MLLT3: variants seen among roughly 807,000 people sequenced by gnomAD.
MLLT3 encodes MLLT3 super elongation complex subunit.
MLLT3 carries 4 observed loss-of-function variants against 53.2 expected under a neutral mutation model. That is an observed-to-expected ratio of 0.08 (90% CI 0.04 to 0.17). MLLT3 has a LOEUF of 0.17. Among genes scored for constraint, MLLT3 ranks in the 10% least tolerant of loss-of-function variants. MLLT3 has a pLI of 1.00. For missense variants in MLLT3, 569 were observed against 684.0 expected, an observed-to-expected ratio of 0.83 and a Z score of 1.87; for synonymous variants, 283 against 230.6, an observed-to-expected ratio of 1.23 and a Z score of -2.06.
chr9:20,515,226 G>C (rs766683931), intron 2 of MLLT3, among the ~76,000 whole-genome samples: 1 of 152,120 alleles, frequency 6.6e-6, no homozygotes, highest in African/African-American at 2.4e-5. Flanking sequence ...GATTACAGGC[G>C]TGAGCCACTG....
chr9:20,597,912 G>A (rs12001420), intron 2 of MLLT3, among the ~76,000 whole-genome samples: 1 of 152,098 alleles, frequency 6.6e-6, no homozygotes, highest in Non-Finnish European at 1.5e-5. Context: ...TATCTGCTTA[G>A]TGTTCCAAAG....
At chr9:20,403,860 C>T (rs1278607459) in intron 5 of MLLT3, among the ~76,000 whole-genome samples, 1 of 152,130 alleles carries the variant, frequency 6.6e-6, no homozygotes, top group Non-Finnish European at 1.5e-5. Context: ...CTCACATTGC[C>T]CAGGCTGGAG....
intron 2 of MLLT3, among the ~76,000 whole-genome samples, chr9:20,606,696 AT>A (rs1395709606): frequency 1.3e-5 from 2 of 151,732 alleles, no homozygotes; most frequent in Non-Finnish European, 1.5e-5. Context: ...CTTTAAGTCT[AT>A]TTTTTTTCTC....
rs1820834166 is a variant in MLLT3, at chr9:20,345,134, G to T, written c.*1309C>A. ...ACAGATTTCTAGTTTCAAAACAAGGGTACAACAAGAACAAAAAAATCCCCC... is the reference window on the plus strand; with the variant it reads ...ACAGATTTCTAGTTTCAAAACAAGGTTACAACAAGAACAAAAAAATCCCCC... On this transcript the variant is annotated 3_prime_UTR_variant, in exon 11 of 11. Transcript: ENST00000380338. 1 of 223,208 alleles carries T rather than the reference G, an allele frequency of 4.5e-6. No individual in the cohort carries two copies. Among genetic ancestry groups the T allele is most frequent in the African/African-American group, 2.2e-5 (1 of 44,700 alleles). The allele number at this position is 223,208 out of a possible 1,614,324, so 13.8% of individuals were successfully genotyped here.
chr9:20,456,564 C>A, intron 3 of MLLT3, 140 bp downstream of exon 3: 1 of 634,940 alleles, frequency 1.6e-6, no homozygotes, highest in Non-Finnish European at 2.7e-6. Context: ...TAATGATAGC[C>A]AAAATTCCTA....
chr9:20,620,125 G>A lies in MLLT3; in HGVS notation c.193+529C>T, dbSNP rs889082962. 2.6e-5 allele frequency among the ~76,000 whole-genome samples: 4 copies of A among 152,010 alleles called. No individual in the cohort carries two copies. The highest frequency in any genetic ancestry group is 5.9e-5 in the Non-Finnish European group (4 of 68,008). ...GAAAAGTCTATGGCAACTGGCACCT[G>A]GTGCCTCATACACAGACAGGAAAGC... On this transcript the variant is annotated intron_variant, in intron 2 of 10. Transcript: ENST00000380338. This position sits in a 1 kb window ranked among gnomAD's most constrained non-coding sequence, Gnocchi z 6.1.
intron 2 of MLLT3, among the ~76,000 whole-genome samples, chr9:20,572,127 C>T (rs1453284174): frequency 1.3e-5 from 2 of 152,134 alleles, no homozygotes; most frequent in African/African-American, 4.8e-5. Flanking sequence ...AAAGACACTG[C>T]ATAATCCCAC....
intron 2 of MLLT3, among the ~76,000 whole-genome samples, chr9:20,516,221 A>T (rs1817914558): frequency 6.6e-6 from 1 of 152,228 alleles, no homozygotes; most frequent in Non-Finnish European, 1.5e-5. Context: ...ATAAGCTTGG[A>T]AACAAATGTT....
rs550363765 is a variant in MLLT3, at chr9:20,622,037, GTGTGTGTC to G, written c.12+200_12+207del. 413 of 680,342 alleles carry G rather than the reference GTGTGTGTC, an allele frequency of 6.1e-4. 7 individuals carry two copies. In the South Asian group the frequency reaches 0.019, roughly 31 times the overall value. The allele number at this position is 680,342 out of a possible 1,614,324, so 42.1% of individuals were successfully genotyped here. A position where few individuals can be genotyped will look rare whatever the true frequency, so the allele number is the denominator to read the frequency against. ...GGCGAGTGTGAGCGTGTGTGAGTGT[GTGTGTGTC>G]TGTGTGTCTGTGTGCGCGCCGGGGG... On this transcript the variant is annotated intron_variant, in intron 1 of 10. Coordinates refer to ENST00000380338, the MANE Select transcript of MLLT3 (RefSeq NM_004529.4).
chr9:20,591,931 G>A (rs1820140204), intron 2 of MLLT3, among the ~76,000 whole-genome samples: 1 of 152,140 alleles, frequency 6.6e-6, no homozygotes, highest in Non-Finnish European at 1.5e-5. Flanking sequence ...AGGCTGAGGT[G>A]GGAAGATCGC....
intron 4 of MLLT3, among the ~76,000 whole-genome samples, chr9:20,441,242 G>A (rs937473599): frequency 3.9e-5 from 6 of 152,100 alleles, no homozygotes; most frequent in African/African-American, 1.4e-4. Flanking sequence ...TTATCACACA[G>A]ATTTTTCTGG....
intron 2 of MLLT3, among the ~76,000 whole-genome samples, chr9:20,543,103 T>C (rs1325399817): frequency 1.3e-5 from 2 of 152,350 alleles, no homozygotes; most frequent in African/African-American, 4.8e-5. Context: ...CAAGGGAAAA[T>C]TGTGGCTGGT....
At chr9:20,537,872 AT>A (rs1818526549) in intron 2 of MLLT3, among the ~76,000 whole-genome samples, 1 of 152,238 alleles carries the variant, frequency 6.6e-6, no homozygotes, top group Non-Finnish European at 1.5e-5. Context: ...GTCCAAATAC[AT>A]TAATCTTCAT....
intron 2 of MLLT3, among the ~76,000 whole-genome samples, chr9:20,538,908 T>C (rs185899777): frequency 6.6e-6 from 1 of 152,310 alleles, no homozygotes; most frequent in Admixed American, 6.5e-5. Context: ...TATAATATAA[T>C]ATACACATGT....
At chr9:20,358,125 T>A (rs773433628) in intron 8 of MLLT3, among the ~76,000 whole-genome samples, 16 of 152,052 alleles carry the variant, frequency 1.1e-4, no homozygotes, top group Admixed American at 2.0e-4. Context: ...GATATACTAG[T>A]AATTTTTTTT....
At chr9:20,573,362 A>T (rs1284800146) in intron 2 of MLLT3, among the ~76,000 whole-genome samples, 2 of 151,908 alleles carry the variant, frequency 1.3e-5, no homozygotes, top group African/African-American at 4.8e-5. Context: ...TGTATTTTTC[A>T]TAAAGATGGG....
intron 2 of MLLT3, among the ~76,000 whole-genome samples, chr9:20,509,990 T>C (rs1172006838): frequency 1.3e-5 from 2 of 152,122 alleles, no homozygotes; most frequent in Non-Finnish European, 2.9e-5. Context: ...AGCTGAATTA[T>C]GTGAATCAAA....
rs1587158910 is a variant in MLLT3, at chr9:20,365,037, T to C, written c.1201+632A>G. ...TATTAACATGTAGAAAAAAAATATG[T>C]CCAGGAGGAAAGATGAAAACCTATT... On this transcript the variant is annotated intron_variant, in intron 6 of 10. Coordinates refer to ENST00000380338, the MANE Select transcript of MLLT3 (RefSeq NM_004529.4). 3.9e-5 allele frequency among the ~76,000 whole-genome samples: 6 copies of C among 152,296 alleles called. 1 individual carries two copies. The highest frequency in any genetic ancestry group is 3.9e-4 in the Admixed American group (6 of 15,288).
intron 2 of MLLT3, among the ~76,000 whole-genome samples, chr9:20,492,230 T>A (rs546405071): frequency 6.6e-4 from 101 of 152,158 alleles, no homozygotes; most frequent in African/African-American, 2.3e-3. Context: ...ATTGCATATA[T>A]CTATTTAGAT....
Sources: gnomAD v4.1 joint callset for allele counts (sites outside exome capture counted in the v4.1 genomes callset) on GRCh38, gnomAD v4.1.1 for gene constraint, Gnocchi (gnomAD v3.1) non-coding constraint, MANE v1.5 for transcripts, NCBI Gene and HGNC (gene_info 2026-07-23, HGNC 2026-07-21) for gene names.